UBE3B: variants seen among roughly 807,000 people sequenced by gnomAD.
UBE3B encodes the protein ubiquitin protein ligase E3B.
Under a neutral mutation model 132.3 loss-of-function variants are expected in UBE3B, and 80 were observed. That is an observed-to-expected ratio of 0.60 (90% CI 0.50 to 0.73). The LOEUF is 0.73. Among genes scored for constraint, UBE3B ranks in the 30% least tolerant of loss-of-function variants. UBE3B has a pLI of 0.00. For missense variants in UBE3B, 1,196 were observed against 1,362.5 expected, an observed-to-expected ratio of 0.88 and a Z score of 1.92; for synonymous variants, 487 against 520.4, an observed-to-expected ratio of 0.94 and a Z score of 0.87.
chr12:109,490,176 G>C, intron 8 of UBE3B, 172 bp downstream of exon 8: 1 of 871,820 alleles, frequency 1.1e-6, no homozygotes, highest in Non-Finnish European at 1.9e-6. Flanking sequence ...TCACTTGTGG[G>C]TCAGGTAAAG....
intron 13 of UBE3B, among the ~76,000 whole-genome samples, chr12:109,502,410 G>A (rs1879118258): frequency 6.6e-6 from 1 of 152,190 alleles, no homozygotes; most frequent in South Asian, 2.1e-4. Flanking sequence ...AAAAGTTATG[G>A]AAAGGCCACT....
chr12:109,535,026 C>T lies in UBE3B; in HGVS notation c.*244C>T, dbSNP rs558818420. On this transcript the variant is annotated 3_prime_UTR_variant, in exon 28 of 28. Transcript: ENST00000342494. ...AATAAACCTCCAGATTCCACCAACA[C>T]GGGTCCATTCTTCCTGGTGATGGCA... The T allele has an allele frequency of 3.2e-5, 12 of 374,714 alleles. No individual in the cohort carries two copies. The highest frequency in any genetic ancestry group is 1.2e-4 in the African/African-American group (6 of 48,238). 23.2% of individuals were successfully genotyped at this position (374,714 alleles called of 1,614,324 possible). A position where few individuals can be genotyped will look rare whatever the true frequency, so the allele number is the denominator to read the frequency against.
At chr12:109,488,968 C>T (rs778421140) in intron 7 of UBE3B, among the ~76,000 whole-genome samples, 32 of 152,214 alleles carry the variant, frequency 2.1e-4, no homozygotes, top group Admixed American at 6.5e-4. Flanking sequence ...TTCACTTAAG[C>T]CTTGTCATTT....
In UBE3B at chr12:109,497,865, T is replaced by G. The variant is rs1878438207; in HGVS notation, c.761T>G (p.Leu254Arg). 1.9e-6 allele frequency: 3 copies of G among 1,614,110 alleles called. No individual in the cohort carries two copies. Among genetic ancestry groups the G allele is most frequent in the Non-Finnish European group, 2.5e-6 (3 of 1,180,060 alleles). Residue 254 changes from leucine (L) to arginine (R), a missense_variant, in exon 10 of 28, where the codon CTC becomes CGC. Physicochemically the swap from Leu to Arg is moderately radical, Grantham distance 102. Transcript: ENST00000342494. ...TCAGACAATCTGATTCGGCCGTTCC[T>G]CATCCACATCATGTCTGTGCCTGCT... ...QFSDNLIRPFLIHIMSVPALV... is the reference protein window; with the variant it reads ...QFSDNLIRPFRIHIMSVPALV...
downstream of UBE3B, among the ~76,000 whole-genome samples, chr12:109,537,652 G>T (rs978328746): frequency 6.6e-6 from 1 of 152,186 alleles, no homozygotes; most frequent in Non-Finnish European, 1.5e-5. Context: ...CCAGCCTCCA[G>T]TGTGAGGCAC....
chr12:109,490,339 T>C lies in UBE3B; in HGVS notation c.630+335T>C, dbSNP rs1191926131. On this transcript the variant is annotated intron_variant, in intron 8 of 27. Coordinates refer to ENST00000342494, the MANE Select transcript of UBE3B (RefSeq NM_130466.4). ...ATGTCTAGAATCATATTTCTAGCTC[T>C]GTGTCCTCAAACAGCCCTTTCCACT... 6 of 1,423,334 alleles carry C rather than the reference T, an allele frequency of 4.2e-6. No homozygotes were observed. The Admixed American group carries it at 1.2e-4, about 29-fold the overall frequency. 88.2% of individuals were successfully genotyped at this position (1,423,334 alleles called of 1,614,324 possible).
intron 19 of UBE3B, among the ~76,000 whole-genome samples, chr12:109,519,314 A>G (rs1395130955): frequency 6.6e-6 from 1 of 152,184 alleles, no homozygotes; most frequent in African/African-American, 2.4e-5. Context: ...GCTGACTCAC[A>G]TTCACCTCCC....
At chr12:109,508,880 T>C in intron 15 of UBE3B, 1 of 416,286 alleles carries the variant, frequency 2.4e-6, no homozygotes, top group Non-Finnish European at 3.2e-6. Context: ...CACTAGTATG[T>C]GTCTTAGATA....
At chr12:109,542,134 A>G in the UBE3B span, among the ~76,000 whole-genome samples, 1 of 152,138 alleles carries the variant, frequency 6.6e-6, no homozygotes, top group Non-Finnish European at 1.5e-5. Context: ...ATCCTAAACA[A>G]TCTCATAGGG....
intron 9 of UBE3B, among the ~76,000 whole-genome samples, chr12:109,493,186 T>G (rs1877715657): frequency 6.6e-6 from 1 of 152,216 alleles, no homozygotes; most frequent in East Asian, 1.9e-4. Flanking sequence ...CCCAGAAGCC[T>G]AAGAAACAGA....
chr12:109,485,341 T>A (rs1286389919), intron 4 of UBE3B, among the ~76,000 whole-genome samples: 8 of 152,154 alleles, frequency 5.3e-5, no homozygotes, highest in Admixed American at 5.2e-4. Context: ...ATCTCTACGC[T>A]CATGGAGCTC....
chr12:109,497,762 T>A, intron 9 of UBE3B, 56 bp from the exon 10 acceptor site: 7 of 1,568,480 alleles, frequency 4.5e-6, no homozygotes, highest in Non-Finnish European at 6.1e-6. Flanking sequence ...GGGTTGTGCT[T>A]TTGTTCTGGA....
At position 109,506,387 on chromosome 12, in the gene UBE3B, C is replaced by T. The variant is rs550912698; in HGVS notation, c.1451-1177C>T. Among the ~76,000 whole-genome samples, 36 of 152,268 alleles carry T rather than the reference C, an allele frequency of 2.4e-4. 1 individual carries two copies. In the South Asian group the frequency reaches 6.6e-3, roughly 28 times the overall value. Reference sequence around the variant, plus strand: ...TTTGGAGACAGAGTTTCGCTCTTGTCGCCCAGGCTAGAGTGCAGTGGTGCG... The same window carrying T: ...TTTGGAGACAGAGTTTCGCTCTTGTTGCCCAGGCTAGAGTGCAGTGGTGCG... On this transcript the variant is annotated intron_variant, in intron 14 of 27. Transcript: ENST00000342494.
chr12:109,511,308 GT>G lies in UBE3B; in HGVS notation c.1956+7del. On this transcript the variant is annotated splice_donor_region_variant and intron_variant, in intron 18 of 27. Transcript: ENST00000342494. ...CATGTCATCCCTCACAAAAACGTGA[GT>G]TGCACTCAGAGCTGGGCCCCGATGT... The G allele has an allele frequency of 6.2e-7, 1 of 1,613,802 alleles. No homozygotes were observed. The highest frequency in any genetic ancestry group is 8.5e-7 in the Non-Finnish European group (1 of 1,179,718).
chr12:109,480,746 C>T (rs1875242127), intron 1 of UBE3B, among the ~76,000 whole-genome samples: 1 of 152,122 alleles, frequency 6.6e-6, no homozygotes, highest in Non-Finnish European at 1.5e-5. Flanking sequence ...CCGTGTGCCC[C>T]TCACTGTGCA....
At chr12:109,490,488 A>G (rs1435030002) in intron 8 of UBE3B, 1 of 1,535,794 alleles carries the variant, frequency 6.5e-7, no homozygotes, top group Non-Finnish European at 8.7e-7. Context: ...CCTTCTCCCT[A>G]GTGCTGTGAT....
intron 19 of UBE3B, chr12:109,520,020 A>T (rs1487845013): frequency 6.6e-6 from 1 of 152,264 alleles, no homozygotes; most frequent in African/African-American, 2.4e-5. Context: ...ACCAGACGGC[A>T]GCCGAGTGGA....
chr12:109,486,595 A>AAAAAAAAG lies in UBE3B; in HGVS notation c.447+27_447+28insGAAAAAAA. 1 of 1,525,682 alleles carries AAAAAAAAG rather than the reference A, an allele frequency of 6.6e-7. No homozygotes were observed. Among genetic ancestry groups the AAAAAAAAG allele is most frequent in the South Asian group, 1.2e-5 (1 of 83,536 alleles). The allele number at this position is 1,525,682 out of a possible 1,614,324, so 94.5% of individuals were successfully genotyped here. Reference sequence around the variant, plus strand: ...CTCAAGGTAACAAAAAAAAAAAAAAAAAAAAAAAGCAAAACCAGAAACAGT... The same window carrying AAAAAAAAG: ...CTCAAGGTAACAAAAAAAAAAAAAAAAAAAAAAGAAAAAAAAGCAAAACCAGAAACAGT... On this transcript the variant is annotated intron_variant, in intron 6 of 27. Transcript: ENST00000342494.
chr12:109,519,595 A>T (rs1881459429), intron 19 of UBE3B: 1 of 152,232 alleles, frequency 6.6e-6, no homozygotes, highest in South Asian at 2.1e-4. Context: ...AGCAGGTTGG[A>T]GGAACTCCTG....
Sources: gnomAD v4.1 joint callset for allele counts (sites outside exome capture counted in the v4.1 genomes callset) on GRCh38, gnomAD v4.1.1 for gene constraint, MANE v1.5 for transcripts, NCBI Gene and HGNC (gene_info 2026-07-23, HGNC 2026-07-21) for gene names.